MCU: variants seen among roughly 807,000 people sequenced by gnomAD.
MCU encodes the protein mitochondrial calcium uniporter.
A neutral mutation model predicts 45.2 loss-of-function variants in MCU; 12 were observed. That is an observed-to-expected ratio of 0.27 (90% CI 0.17 to 0.43). The LOEUF (loss-of-function observed/expected upper bound fraction) is 0.43, where lower values mean the gene tolerates loss of function less well. Among genes scored for constraint, MCU ranks in the 20% least tolerant of loss-of-function variants. The pLI is 1.00. For synonymous variants in MCU, 160 were observed against 165.1 expected (o/e 0.97, Z 0.24); for missense variants, 324 against 436.7 (o/e 0.74, Z 2.30).
chr10:72,725,970 G>A (rs1488780742), intron 1 of MCU, among the ~76,000 whole-genome samples: 1 of 152,046 alleles, frequency 6.6e-6, no homozygotes, highest in Admixed American at 6.6e-5. Context: ...TTTCTTGCCT[G>A]ATTCTCTCTC....
chr10:72,692,160 C>G lies in MCU; in HGVS notation c.9C>G (p.Ala3=), dbSNP rs755480724. Reference sequence around the variant, plus strand: ...CCGTTTCCAGTTGAGAGATGGCGGCCGCCGCAGGTAGATCGCTCCTGCTGC... The same window carrying G: ...CCGTTTCCAGTTGAGAGATGGCGGCGGCCGCAGGTAGATCGCTCCTGCTGC... The part of the protein sequence containing the change: MA[A]AAGRSLLLLL... Residue 3 remains alanine (A), a synonymous_variant, in exon 1 of 8, where the codon GCC becomes GCG. Transcript: ENST00000373053. 2 of 1,291,704 alleles carry G rather than the reference C, an allele frequency of 1.5e-6. No homozygotes were observed. Among genetic ancestry groups the G allele is most frequent in the East Asian group, 5.8e-5 (2 of 34,392 alleles). 80.0% of individuals were successfully genotyped at this position (1,291,704 alleles called of 1,614,324 possible).
intron 1 of MCU, among the ~76,000 whole-genome samples, chr10:72,711,934 G>A (rs914019354): frequency 6.6e-6 from 1 of 150,422 alleles, no homozygotes; most frequent in African/African-American, 2.4e-5. Context: ...GGATGGTCTC[G>A]ATCTCCTGAC....
At chr10:72,780,360 C>A (rs1328194157) in intron 1 of MCU, among the ~76,000 whole-genome samples, 2 of 151,812 alleles carry the variant, frequency 1.3e-5, no homozygotes, top group African/African-American at 4.8e-5. Flanking sequence ...AACTGTATAC[C>A]AAAAACCACT....
chr10:72,844,627 C>T (rs1018721669), intron 2 of MCU, among the ~76,000 whole-genome samples: 2 of 151,986 alleles, frequency 1.3e-5, no homozygotes, highest in African/African-American at 4.8e-5. Context: ...TATAAGGAAG[C>T]TCCTTATTGT....
chr10:72,837,459 C>G (rs1413947253), intron 2 of MCU, among the ~76,000 whole-genome samples: 1 of 152,114 alleles, frequency 6.6e-6, no homozygotes, highest in Non-Finnish European at 1.5e-5. Flanking sequence ...ACCACTTAAC[C>G]TCCTTATAAC....
chr10:72,864,969 A>C (rs1180246114), intron 4 of MCU, among the ~76,000 whole-genome samples: 3 of 152,226 alleles, frequency 2.0e-5, no homozygotes, highest in Non-Finnish European at 4.4e-5. Flanking sequence ...TAACATTCTG[A>C]AAGTTCACTA....
intron 4 of MCU, among the ~76,000 whole-genome samples, chr10:72,864,127 T>G (rs929541024): frequency 5.3e-5 from 8 of 152,212 alleles, no homozygotes; most frequent in African/African-American, 1.9e-4. Context: ...CATAGCCACC[T>G]CTTGTTGCTA....
At chr10:72,881,132 A>G (rs1845694964) in intron 6 of MCU, among the ~76,000 whole-genome samples, 1 of 152,176 alleles carries the variant, frequency 6.6e-6, no homozygotes, top group Admixed American at 6.5e-5. Flanking sequence ...TCAAAAATAA[A>G]TAAACAAAAA....
At chr10:72,769,907 GA>G (rs1315311618) in intron 1 of MCU, among the ~76,000 whole-genome samples, 1 of 152,138 alleles carries the variant, frequency 6.6e-6, no homozygotes, top group Non-Finnish European at 1.5e-5. Flanking sequence ...ATTGATGTGA[GA>G]TCTTTTAAAA....
chr10:72,755,092 C>G (rs151284015), intron 1 of MCU, among the ~76,000 whole-genome samples: 257 of 151,080 alleles, frequency 1.7e-3, no homozygotes, highest in Non-Finnish European at 2.6e-3. Context: ...ACTGTAGTCT[C>G]AGACTACCTG....
chr10:72,819,094 G>A (rs1403377218), intron 1 of MCU, among the ~76,000 whole-genome samples: 1 of 152,140 alleles, frequency 6.6e-6, no homozygotes, highest in Non-Finnish European at 1.5e-5. Flanking sequence ...AATTTTCAAG[G>A]GAGAAGTCCA....
chr10:72,819,171 A>G (rs570417485), intron 1 of MCU, among the ~76,000 whole-genome samples: 4 of 152,262 alleles, frequency 2.6e-5, no homozygotes, highest in Admixed American at 1.3e-4. Context: ...ATTTAGTTCA[A>G]TTTTCCTTAT....
At chr10:72,769,611 A>G (rs1356895231) in intron 1 of MCU, among the ~76,000 whole-genome samples, 1 of 152,124 alleles carries the variant, frequency 6.6e-6, no homozygotes. Context: ...TAACAGCCTT[A>G]TAAAATGCAG....
intron 3 of MCU, 50 bp downstream of exon 3, chr10:72,859,397 C>T: frequency 6.6e-7 from 1 of 1,524,170 alleles, no homozygotes; most frequent in Non-Finnish European, 9.0e-7. Flanking sequence ...TTTCACCCCA[C>T]ACCATTTCTA....
intron 1 of MCU, among the ~76,000 whole-genome samples, chr10:72,704,704 ATT>A (rs1162093579): frequency 0.04 from 4,296 of 106,644 alleles, 459 homozygotes; most frequent in Middle Eastern, 0.087. Flanking sequence ...TGCCTGGATA[ATT>A]TTTTTTTTTT....
chr10:72,761,288 C>T (rs934625228), intron 1 of MCU, among the ~76,000 whole-genome samples: 1 of 152,248 alleles, frequency 6.6e-6, no homozygotes, highest in Admixed American at 6.5e-5. Flanking sequence ...TATGTGGAAC[C>T]AATCTTAAGC....
At chr10:72,714,108 A>G (rs996049657) in intron 1 of MCU, among the ~76,000 whole-genome samples, 2 of 151,544 alleles carry the variant, frequency 1.3e-5, no homozygotes, top group African/African-American at 4.8e-5. Flanking sequence ...CTGGGATTAC[A>G]GGTGTGCTCT....
intron 1 of MCU, among the ~76,000 whole-genome samples, chr10:72,812,240 G>A (rs1211079182): frequency 6.6e-6 from 1 of 151,292 alleles, no homozygotes; most frequent in African/African-American, 2.4e-5. Context: ...TCCACTGCCC[G>A]ATTCAAGCAA....
chr10:72,723,103 G>A (rs1843046939), intron 1 of MCU, among the ~76,000 whole-genome samples: 1 of 152,192 alleles, frequency 6.6e-6, no homozygotes, highest in Non-Finnish European at 1.5e-5. Context: ...GGCTGAGGCA[G>A]GAGAATGGCA....
Sources: gnomAD v4.1 joint callset for allele counts (sites outside exome capture counted in the v4.1 genomes callset) on GRCh38, gnomAD v4.1.1 for gene constraint, MANE v1.5 for transcripts, NCBI Gene and HGNC (gene_info 2026-07-23, HGNC 2026-07-21) for gene names.